PIK3CA: variants seen among roughly 807,000 people sequenced by gnomAD.
PIK3CA encodes the protein phosphatidylinositol-4,5-bisphosphate 3-kinase catalytic subunit alpha.
A neutral mutation model predicts 138.2 loss-of-function variants in PIK3CA; 27 were observed. The ratio of observed to expected loss-of-function variants is 0.20; its 90% confidence interval spans 0.14 to 0.27. The LOEUF is 0.27. Ranked by LOEUF, PIK3CA falls within the 10% of genes least tolerant of loss-of-function variation. PIK3CA has a pLI of 1.00. For missense variants in PIK3CA, 544 were observed against 1,277.4 expected (o/e 0.43, Z 8.75); for synonymous variants, 358 against 413.2 (o/e 0.87, Z 1.62).
chr3:179,224,301 C>G, intron 15 of PIK3CA, 114 bp downstream of exon 15: 4 of 560,772 alleles, frequency 7.1e-6, no homozygotes, highest in Non-Finnish European at 6.3e-6. Flanking sequence ...TTATGCTTCT[C>G]TCTCTCATTC....
chr3:179,167,768 A>G (rs1422899930), intron 1 of PIK3CA, among the ~76,000 whole-genome samples: 1 of 152,112 alleles, frequency 6.6e-6, no homozygotes, highest in Non-Finnish European at 1.5e-5. Flanking sequence ...TTCAGATCAT[A>G]TGGTTTATCT....
rs1384111767 is a variant in PIK3CA, at chr3:179,235,075, A to G, written c.*711A>G. 5.1e-6 allele frequency: 1 copy of G among 195,136 alleles called. No individual in the cohort carries two copies. The highest frequency in any genetic ancestry group is 1.1e-5 in the Non-Finnish European group (1 of 94,468). 12.1% of individuals were successfully genotyped at this position (195,136 alleles called of 1,614,324 possible). A position where few individuals can be genotyped will look rare whatever the true frequency, so the allele number is the denominator to read the frequency against. Reference sequence around the variant, plus strand: ...TTTTTTTTCTTCTGGACAGTATTTAAAGGATCTTATTCTTATTTCCCAGGG... The same window carrying G: ...TTTTTTTTCTTCTGGACAGTATTTAGAGGATCTTATTCTTATTTCCCAGGG... On this transcript the variant is annotated 3_prime_UTR_variant, in exon 21 of 21. Coordinates refer to ENST00000263967, the MANE Select transcript of PIK3CA (RefSeq NM_006218.4).
At chr3:179,198,661 A>G in intron 1 of PIK3CA, 89 bp from the exon 2 acceptor site, 1 of 454,378 alleles carries the variant, frequency 2.2e-6, no homozygotes, top group Non-Finnish European at 3.9e-6. Context: ...CAAACTATGG[A>G]AAATGAGTTT....
chr3:179,223,389 T>G (rs1576944936), intron 14 of PIK3CA, among the ~76,000 whole-genome samples: 1 of 152,346 alleles, frequency 6.6e-6, no homozygotes, highest in South Asian at 2.1e-4. Flanking sequence ...GGGCTCTGAT[T>G]TGAATTGATT....
intron 1 of PIK3CA, among the ~76,000 whole-genome samples, chr3:179,166,594 C>T (rs1723426153): frequency 6.6e-6 from 1 of 152,146 alleles, no homozygotes; most frequent in Admixed American, 6.5e-5. Context: ...ATTTCTCTTG[C>T]AGAAAGCATG....
In PIK3CA at chr3:179,184,067, C is replaced by T. The variant is rs576733419; in HGVS notation, c.-76-14683C>T. On this transcript the variant is annotated intron_variant, in intron 1 of 20. Coordinates refer to ENST00000263967, the MANE Select transcript of PIK3CA (RefSeq NM_006218.4). The stretch of plus-strand genomic sequence containing the variant: ...CTAAAATTAGGAGGACGACAGAAGA[C>T]GAGCATTGCCCCTCCCTGTGCAAAA... Among the ~76,000 whole-genome samples the T allele has an allele frequency of 1.9e-3, 285 of 152,300 alleles. 1 individual carries two copies. Among genetic ancestry groups the T allele is most frequent in the African/African-American group, 6.7e-3 (278 of 41,560 alleles).
rs754379025 is a variant in PIK3CA at position 179,219,760 on chromosome 3, A to T, written c.1911+25A>T. 1 of 1,429,584 alleles carries T rather than the reference A, an allele frequency of 7.0e-7. No individual in the cohort carries two copies. Among genetic ancestry groups the T allele is most frequent in the Non-Finnish European group, 9.6e-7 (1 of 1,036,646 alleles). The allele number at this position is 1,429,584 out of a possible 1,614,324, so 88.6% of individuals were successfully genotyped here. A position where few individuals can be genotyped will look rare whatever the true frequency, so the allele number is the denominator to read the frequency against. ...GGTAAAATAATGTAAAATAGTAAAT[A>T]ATGTTTAATTACAATAATAATTTAT... On this transcript the variant is annotated intron_variant, in intron 12 of 20. Transcript: ENST00000263967. The surrounding 1 kb of genome is among the most constrained non-coding windows in gnomAD (Gnocchi z 4.2).
At chr3:179,191,212 T>C (rs774894488) in intron 1 of PIK3CA, among the ~76,000 whole-genome samples, 2 of 152,178 alleles carry the variant, frequency 1.3e-5, no homozygotes, top group Non-Finnish European at 2.9e-5. Flanking sequence ...CTTTTTTAGT[T>C]CAAAGAACTC....
intron 1 of PIK3CA, among the ~76,000 whole-genome samples, chr3:179,175,460 A>T (rs1008450060): frequency 2.6e-5 from 4 of 151,828 alleles, no homozygotes; most frequent in Admixed American, 6.6e-5. Context: ...TGCATCGTTT[A>T]TCTGTTGTGC....
intron 4 of PIK3CA, among the ~76,000 whole-genome samples, chr3:179,202,741 A>G (rs1051615839): frequency 2.0e-5 from 3 of 152,150 alleles, no homozygotes; most frequent in African/African-American, 7.2e-5. Context: ...ACTGGTCTCC[A>G]CTATTTGTGG....
intron 9 of PIK3CA, among the ~76,000 whole-genome samples, chr3:179,216,645 T>C (rs1318216575): frequency 6.6e-6 from 1 of 152,224 alleles, no homozygotes; most frequent in Admixed American, 6.5e-5. Flanking sequence ...TCAAAAATAC[T>C]GCATTTTGAC....
chr3:179,155,734 A>G (rs1357649400), intron 1 of PIK3CA, among the ~76,000 whole-genome samples: 1 of 152,172 alleles, frequency 6.6e-6, no homozygotes, highest in Non-Finnish European at 1.5e-5. Context: ...CCAATCTCCA[A>G]TTTTCCATAG....
intron 9 of PIK3CA, among the ~76,000 whole-genome samples, chr3:179,216,245 A>G (rs1025590895): frequency 1.1e-4 from 16 of 152,338 alleles, no homozygotes; most frequent in Admixed American, 1.0e-3. Context: ...GAAATTTGAT[A>G]GTATTTCTAA....
intron 1 of PIK3CA, among the ~76,000 whole-genome samples, chr3:179,151,729 C>T (rs1286154668): frequency 6.6e-6 from 1 of 152,222 alleles, no homozygotes. Context: ...TCTTTTCATA[C>T]TCTCCTGTGC....
At chr3:179,167,607 A>G (rs1317481828) in intron 1 of PIK3CA, among the ~76,000 whole-genome samples, 1 of 152,050 alleles carries the variant, frequency 6.6e-6, no homozygotes, top group Non-Finnish European at 1.5e-5. Context: ...CTTTTTAACT[A>G]TAGATAGATT....
intron 1 of PIK3CA, among the ~76,000 whole-genome samples, chr3:179,198,354 T>C (rs1203665361): frequency 2.0e-5 from 3 of 152,198 alleles, no homozygotes; most frequent in Admixed American, 6.5e-5. Context: ...AGATTGTTTC[T>C]GGCCTAAATT....
intron 1 of PIK3CA, among the ~76,000 whole-genome samples, chr3:179,163,977 T>C (rs1723351053): frequency 6.6e-6 from 1 of 152,196 alleles, no homozygotes; most frequent in African/African-American, 2.4e-5. Context: ...TAATTCTCTT[T>C]GCAGCATTAG....
At chr3:179,151,349 G>GT (rs1357822519) in intron 1 of PIK3CA, among the ~76,000 whole-genome samples, 1 of 152,122 alleles carries the variant, frequency 6.6e-6, no homozygotes. Flanking sequence ...TCTCCAGCCT[G>GT]TTTTTTAATA....
rs775689452 is a variant in PIK3CA at position 179,226,055 on chromosome 3, A to C, written c.2495+15A>C. The C allele has an allele frequency of 1.4e-6, 2 of 1,414,968 alleles. No individual in the cohort carries two copies. The highest frequency in any genetic ancestry group is 3.4e-5 in the Admixed American group (2 of 59,466). 87.7% of individuals were successfully genotyped at this position (1,414,968 alleles called of 1,614,324 possible). On this transcript the variant is annotated intron_variant, in intron 17 of 20. Coordinates refer to ENST00000263967, the MANE Select transcript of PIK3CA (RefSeq NM_006218.4). ...CTTGATCTTCGGTAGGTAACCAGTAAGGCAACCTGTATGTTGAAAGTTATC... is the reference window on the plus strand; with the variant it reads ...CTTGATCTTCGGTAGGTAACCAGTACGGCAACCTGTATGTTGAAAGTTATC...
Sources: gnomAD v4.1 joint callset for allele counts (sites outside exome capture counted in the v4.1 genomes callset) on GRCh38, gnomAD v4.1.1 for gene constraint, Gnocchi (gnomAD v3.1) non-coding constraint, MANE v1.5 for transcripts, NCBI Gene and HGNC (gene_info 2026-07-23, HGNC 2026-07-21) for gene names.